Variants in CAMK2B observed in about 807,000 individuals in gnomAD.
The protein encoded by CAMK2B is calcium/calmodulin dependent protein kinase II beta.
Under a neutral mutation model 93.7 loss-of-function variants are expected in CAMK2B, and 27 were observed. The ratio of observed to expected loss-of-function variants is 0.29; its 90% CI spans 0.21 to 0.40. CAMK2B has a LOEUF of 0.40. Among genes scored for constraint, CAMK2B ranks in the 10% least tolerant of loss-of-function variants. CAMK2B has a pLI of 1.00. For missense variants in CAMK2B, 568 were observed against 895.8 expected (o/e 0.63, Z 4.67); for synonymous variants, 374 against 358.8 (o/e 1.04, Z -0.48).
intron 1 of CAMK2B, among the ~76,000 whole-genome samples, chr7:44,306,322 T>C (rs1310127584): frequency 6.6e-6 from 1 of 152,184 alleles, no homozygotes; most frequent in Non-Finnish European, 1.5e-5. Context: ...TGTATCAGCA[T>C]CCATCTTTCT....
chr7:44,283,094 A>C (rs954498022), intron 2 of CAMK2B, among the ~76,000 whole-genome samples: 1 of 152,026 alleles, frequency 6.6e-6, no homozygotes. Context: ...TCCTGCACCC[A>C]CCTCCACAGC....
At position 44,296,900 on chromosome 7, in the gene CAMK2B, T is replaced by C. The variant is rs577727235; in HGVS notation, c.66-12675A>G. ...ATTGGTCACCAGCATACCTGCCTTA[T>C]AAGAAATGTTAAAAGAAATTATTCA... On this transcript the variant is annotated intron_variant, in intron 1 of 23. Transcript: ENST00000395749. Among the ~76,000 whole-genome samples the C allele has an allele frequency of 2.9e-4, 44 of 152,214 alleles. No homozygotes were observed. In the South Asian group the frequency reaches 8.9e-3, roughly 31 times the overall value.
chr7:44,311,276 A>T lies in CAMK2B; in HGVS notation c.65+14081T>A, dbSNP rs1793472121. Among the ~76,000 whole-genome samples, 1 of 152,082 alleles carries T rather than the reference A, an allele frequency of 6.6e-6. No individual in the cohort carries two copies. The highest frequency in any genetic ancestry group is 2.1e-4 in the South Asian group (1 of 4,830). ...TTTTTAGTAGACATGGGGTTTCACC[A>T]TGTTGGCCAGGCTGGTCTCGAACTC... On this transcript the variant is annotated intron_variant, in intron 1 of 23. Coordinates refer to ENST00000395749, the MANE Select transcript of CAMK2B (RefSeq NM_001220.5). This position sits in a 1 kb window ranked among gnomAD's most constrained non-coding sequence, Gnocchi z 4.2.
At chr7:44,323,898 C>T in intron 1 of CAMK2B, 1 of 161,698 alleles carries the variant, frequency 6.2e-6, no homozygotes, top group Non-Finnish European at 1.4e-5. Context: ...GACCGGGGAG[C>T]CAGCCACCCA....
intron 2 of CAMK2B, chr7:44,268,054 T>G (rs1562960925): frequency 6.6e-6 from 1 of 152,212 alleles, no homozygotes; most frequent in Non-Finnish European, 1.5e-5. Context: ...ACAGGCAGGC[T>G]GGGGGCCACT....
chr7:44,283,926 C>T (rs1776445582), intron 2 of CAMK2B, among the ~76,000 whole-genome samples: 1 of 152,234 alleles, frequency 6.6e-6, no homozygotes, highest in Non-Finnish European at 1.5e-5. Context: ...CAGAGGTGCC[C>T]TCAAGTCCCC....
intron 20 of CAMK2B, 38 bp downstream of exon 20, chr7:44,226,478 G>C (rs10951758): frequency 3.7e-6 from 5 of 1,364,676 alleles, no homozygotes; most frequent in Non-Finnish European, 9.5e-7. Flanking sequence ...GAGCCCCTCC[G>C]GGCAGCCGCT....
chr7:44,222,871 G>A (rs2096428668), intron 20 of CAMK2B, among the ~76,000 whole-genome samples: 2 of 152,188 alleles, frequency 1.3e-5, no homozygotes, highest in Non-Finnish European at 2.9e-5. Flanking sequence ...GGCGCCACAT[G>A]CCCGGGTGTG....
intron 2 of CAMK2B, among the ~76,000 whole-genome samples, chr7:44,277,547 G>A (rs935171437): frequency 6.6e-6 from 1 of 152,130 alleles, no homozygotes; most frequent in African/African-American, 2.4e-5. Flanking sequence ...CGCCCTGCTC[G>A]GGCCCGGACA....
chr7:44,302,737 T>G (rs567129977), intron 1 of CAMK2B, among the ~76,000 whole-genome samples: 1 of 152,164 alleles, frequency 6.6e-6, no homozygotes, highest in African/African-American at 2.4e-5. Flanking sequence ...CAGCAAACTA[T>G]GAATACAGTG....
chr7:44,254,691 A>G, intron 4 of CAMK2B, 84 bp from the exon 5 acceptor site: 1 of 847,376 alleles, frequency 1.2e-6, no homozygotes, highest in Non-Finnish European at 2.0e-6. Flanking sequence ...CACCACCACC[A>G]TCACCACTAT....
intron 20 of CAMK2B, 155 bp from the exon 21 acceptor site, chr7:44,221,056 T>C (rs537116431): frequency 1.6e-6 from 1 of 609,402 alleles, no homozygotes. Flanking sequence ...CCGCCCCCCC[T>C]GCATCACCAG....
chr7:44,279,754 C>T (rs186081532), intron 2 of CAMK2B, among the ~76,000 whole-genome samples: 62 of 152,354 alleles, frequency 4.1e-4, no homozygotes, highest in Non-Finnish European at 6.6e-4. Flanking sequence ...CTAAATCCTT[C>T]TGACTCATAG....
At chr7:44,231,456 C>A (rs2096578858) in intron 16 of CAMK2B, among the ~76,000 whole-genome samples, 1 of 152,244 alleles carries the variant, frequency 6.6e-6, no homozygotes, top group African/African-American at 2.4e-5. Context: ...ATGAGCCTGG[C>A]AGAGAGACTG....
chr7:44,310,487 C>T (rs953161667), intron 1 of CAMK2B, among the ~76,000 whole-genome samples: 1 of 152,154 alleles, frequency 6.6e-6, no homozygotes, highest in Non-Finnish European at 1.5e-5. Context: ...TGGGAGGGGG[C>T]CATGTATCAT....
At chr7:44,297,802 G>A (rs560510129) in intron 1 of CAMK2B, among the ~76,000 whole-genome samples, 15 of 152,238 alleles carry the variant, frequency 9.9e-5, no homozygotes, top group African/African-American at 3.6e-4. Context: ...ACAAAGTTGG[G>A]GGACTCACAT....
Position 44,304,140 on chromosome 7 carries a change from T to C in CAMK2B, c.66-19915A>G, listed in dbSNP as rs78286391. ...AGCAACAGGAATTCTCATTCATTGT[T>C]GGTAGGAATGCAAAATGGTACACCT... On this transcript the variant is annotated intron_variant, in intron 1 of 23. Coordinates refer to ENST00000395749, the MANE Select transcript of CAMK2B (RefSeq NM_001220.5). 2.7e-4 allele frequency among the ~76,000 whole-genome samples: 41 copies of C among 152,300 alleles called. No homozygotes were observed. In the East Asian group the frequency reaches 7.3e-3, roughly 27 times the overall value.
intron 15 of CAMK2B, 66 bp from the exon 16 acceptor site, chr7:44,232,932 C>A: frequency 1.4e-6 from 2 of 1,435,396 alleles, no homozygotes; most frequent in Non-Finnish European, 2.0e-6. Context: ...GAAGCGGAGA[C>A]CACCAGGAGG....
chr7:44,238,806 T>C (rs1473664008), intron 13 of CAMK2B, among the ~76,000 whole-genome samples: 1 of 152,066 alleles, frequency 6.6e-6, no homozygotes, highest in African/African-American at 2.4e-5. Flanking sequence ...TGGCCTGCCC[T>C]AAGCTCTCAC....
Sources: allele counts gnomAD v4.1 joint callset (sites outside exome capture counted in the v4.1 genomes callset), GRCh38; gene constraint gnomAD v4.1.1; non-coding constraint Gnocchi (gnomAD v3.1); transcripts MANE v1.5; gene names NCBI Gene and HGNC (gene_info 2026-07-23, HGNC 2026-07-21).